The following GRB14 variants were observed in gnomAD, a reference collection of about 807,000 sequenced individuals.
GRB14 encodes the protein growth factor receptor bound protein 14.
Under a neutral mutation model 69.1 loss-of-function variants are expected in GRB14, and 38 were observed. That is an observed-to-expected ratio of 0.55 (90% CI 0.42 to 0.72). GRB14 has a LOEUF of 0.72. GRB14 is among the 30% of genes least tolerant of loss of function. The pLI is 0.00. For synonymous variants in GRB14, 247 were observed against 241.3 expected (o/e 1.02, Z -0.22); for missense variants, 666 against 666.1 (o/e 1.00, Z 0.00).
chr2:164,547,265 T>C (rs1299236583), intron 3 of GRB14, among the ~76,000 whole-genome samples: 3 of 152,122 alleles, frequency 2.0e-5, no homozygotes, highest in African/African-American at 7.2e-5. Context: ...TGACCAAGAA[T>C]TTAAAATAGC....
intron 2 of GRB14, among the ~76,000 whole-genome samples, chr2:164,602,075 C>T (rs1014391511): frequency 6.6e-6 from 1 of 150,560 alleles, no homozygotes; most frequent in South Asian, 2.1e-4. Flanking sequence ...ATAGTATAGG[C>T]CTGGCCTATT....
intron 6 of GRB14, 142 bp downstream of exon 6, chr2:164,521,838 T>A: frequency 1.4e-6 from 1 of 698,102 alleles, no homozygotes; most frequent in African/African-American, 1.8e-5. Context: ...GTTTAAATAA[T>A]CAAGGCAAAC....
At chr2:164,574,829 A>G (rs763514422) in intron 2 of GRB14, among the ~76,000 whole-genome samples, 1 of 151,862 alleles carries the variant, frequency 6.6e-6, no homozygotes, top group African/African-American at 2.4e-5. Context: ...CTGTAGTTCC[A>G]TCTATTCAAG....
intron 2 of GRB14, among the ~76,000 whole-genome samples, chr2:164,616,763 T>C (rs1000372601): frequency 6.6e-6 from 1 of 152,216 alleles, no homozygotes. Flanking sequence ...TCACTTTTTC[T>C]GTGGAGAGAA....
chr2:164,581,949 C>T (rs549605421), intron 2 of GRB14, among the ~76,000 whole-genome samples: 1 of 152,314 alleles, frequency 6.6e-6, no homozygotes, highest in South Asian at 2.1e-4. Flanking sequence ...TTCTACTTGT[C>T]CTTCAGCATC....
chr2:164,509,474 G>A (rs1457806622), intron 6 of GRB14, among the ~76,000 whole-genome samples: 1 of 152,224 alleles, frequency 6.6e-6, no homozygotes, highest in Non-Finnish European at 1.5e-5. Context: ...ATCATGAACA[G>A]CTATTTCTTC....
rs143717423 is a variant in GRB14 at position 164,524,323 on chromosome 2, A to G, written c.678+681T>C. Among the ~76,000 whole-genome samples, 75 of 152,202 alleles carry G rather than the reference A, an allele frequency of 4.9e-4. 1 individual carries two copies. The highest frequency in any genetic ancestry group is 1.7e-3 in the African/African-American group (70 of 41,562). ...AGAGCTTCTGATGTAAAATCTACAA[A>G]TCTATCGAAAATTAAAGAAAATAAC... On this transcript the variant is annotated intron_variant, in intron 5 of 13. Transcript: ENST00000263915.
intron 13 of GRB14, among the ~76,000 whole-genome samples, chr2:164,494,193 C>A (rs1189346338): frequency 6.6e-6 from 1 of 152,112 alleles, no homozygotes; most frequent in East Asian, 1.9e-4. Flanking sequence ...ATTGCTAAAT[C>A]ATATTTCATA....
chr2:164,607,032 C>T (rs1306767402), intron 2 of GRB14, among the ~76,000 whole-genome samples: 6 of 152,176 alleles, frequency 3.9e-5, no homozygotes, highest in East Asian at 1.9e-4. Context: ...GAACAGAACC[C>T]ATTCTGACCA....
At chr2:164,600,184 CT>C (rs1689880373) in intron 2 of GRB14, among the ~76,000 whole-genome samples, 1 of 152,180 alleles carries the variant, frequency 6.6e-6, no homozygotes, top group East Asian at 1.9e-4. Context: ...CAGCGCCCCC[CT>C]GTGTGATCTA....
chr2:164,570,275 T>TA (rs35918859), intron 2 of GRB14, among the ~76,000 whole-genome samples: 9,139 of 57,046 alleles, frequency 0.16, 907 homozygotes, highest in African/African-American at 0.2. Flanking sequence ...AGACTCCATC[T>TA]AAAAAAAAAA....
At chr2:164,527,402 A>G (rs1324468814) in intron 3 of GRB14, among the ~76,000 whole-genome samples, 4 of 151,798 alleles carry the variant, frequency 2.6e-5, no homozygotes, top group African/African-American at 7.2e-5. Flanking sequence ...ATAAAATATC[A>G]TAATGTACTT....
intron 2 of GRB14, among the ~76,000 whole-genome samples, chr2:164,606,588 A>G (rs1376675954): frequency 6.6e-6 from 1 of 152,148 alleles, no homozygotes; most frequent in Non-Finnish European, 1.5e-5. Context: ...ATGGTTTTGT[A>G]AAGGGCCCCT....
At chr2:164,612,246 T>C (rs987598720) in intron 2 of GRB14, among the ~76,000 whole-genome samples, 3 of 152,222 alleles carry the variant, frequency 2.0e-5, no homozygotes, top group African/African-American at 7.2e-5. Flanking sequence ...CATGTAACAA[T>C]ACGTCTATGG....
chr2:164,570,326 T>C (rs1689097464), intron 2 of GRB14, among the ~76,000 whole-genome samples: 1 of 151,340 alleles, frequency 6.6e-6, no homozygotes, highest in South Asian at 2.1e-4. Context: ...TCAAAAATTT[T>C]ACTGGGGTTC....
At chr2:164,496,980 T>C (rs528899683) in intron 12 of GRB14, 28 bp downstream of exon 12, 1 of 1,538,000 alleles carries the variant, frequency 6.5e-7, no homozygotes, top group Non-Finnish European at 9.0e-7. Context: ...AATTCACAAG[T>C]ACTCAAAATT....
In GRB14 at chr2:164,502,241, A is replaced by T. The variant is rs1343495303; in HGVS notation, c.1104+14T>A. ...ATGTAAAATAAAACACAGGCTCAAA[A>T]ATTTGGTCCTTACCATAGGTGATAT... On this transcript the variant is annotated intron_variant, in intron 9 of 13. Transcript: ENST00000263915. 1 of 1,436,460 alleles carries T rather than the reference A, an allele frequency of 7.0e-7. No homozygotes were observed. The highest frequency in any genetic ancestry group is 9.8e-7 in the Non-Finnish European group (1 of 1,020,842). The allele number at this position is 1,436,460 out of a possible 1,614,324, so 89.0% of individuals were successfully genotyped here.
chr2:164,604,911 G>A (rs1690008736), intron 2 of GRB14, among the ~76,000 whole-genome samples: 1 of 152,136 alleles, frequency 6.6e-6, no homozygotes, highest in Admixed American at 6.6e-5. Flanking sequence ...TTCTTTGGGG[G>A]CAATGAAAAT....
intron 3 of GRB14, among the ~76,000 whole-genome samples, chr2:164,543,998 C>T (rs1688302334): frequency 6.6e-6 from 1 of 152,082 alleles, no homozygotes; most frequent in Non-Finnish European, 1.5e-5. Context: ...TTCAATTGTT[C>T]TGTTTAAACA....
Sources: gnomAD v4.1 joint callset for allele counts (sites outside exome capture counted in the v4.1 genomes callset) on GRCh38, gnomAD v4.1.1 for gene constraint, MANE v1.5 for transcripts, NCBI Gene and HGNC (gene_info 2026-07-23, HGNC 2026-07-21) for gene names.